SULT1B1: variants seen among roughly 807,000 people sequenced by gnomAD.
The protein encoded by SULT1B1 is sulfotransferase 1B1.
In SULT1B1, 28 loss-of-function variants were observed where a neutral mutation model predicts 34.6. The observed-to-expected ratio is 0.81, with a 90% CI of 0.60 to 1.11. SULT1B1 has a LOEUF of 1.11. SULT1B1 is among the 50% of genes least tolerant of loss of function. The probability of loss-of-function intolerance (pLI) is 0.00; values close to 1 mark genes in which losing one functional copy is unlikely to be tolerated. For missense variants in SULT1B1, 374 were observed against 352.2 expected (o/e 1.06, Z -0.50); for synonymous variants, 147 against 110.2 (o/e 1.33, Z -2.09).
chr4:69,745,193 G>A (rs1052279156), intron 4 of SULT1B1, among the ~76,000 whole-genome samples: 9 of 152,190 alleles, frequency 5.9e-5, no homozygotes, highest in African/African-American at 2.2e-4. Flanking sequence ...CTGCAGATGA[G>A]AAGAATGTAT....
intron 6 of SULT1B1, 52 bp downstream of exon 6, chr4:69,733,361 T>C: frequency 7.6e-7 from 1 of 1,318,584 alleles, no homozygotes; most frequent in Non-Finnish European, 1.1e-6. Flanking sequence ...TCAACCCTTT[T>C]ACAGCATGAT....
At chr4:69,743,112 T>G (rs1475406303) in intron 4 of SULT1B1, among the ~76,000 whole-genome samples, 2 of 152,082 alleles carry the variant, frequency 1.3e-5, no homozygotes, top group African/African-American at 4.8e-5. Context: ...ACACACAAGG[T>G]GGTGAGCAAG....
chr4:69,752,968 T>G lies in SULT1B1; in HGVS notation c.277+1702A>C, dbSNP rs912204487. Among the ~76,000 whole-genome samples the G allele has an allele frequency of 3.9e-5, 6 of 152,346 alleles. No individual in the cohort carries two copies. The East Asian group carries it at 7.7e-4, about 20-fold the overall frequency. On this transcript the variant is annotated intron_variant, in intron 3 of 7. Coordinates refer to ENST00000310613, the MANE Select transcript of SULT1B1 (RefSeq NM_014465.4). ...CCTTTGCTAGCTTCTCTTTCTCACC[T>G]AACTTCTGCATGTTGATGTTTTTCA...
chr4:69,759,372 C>A (rs572634347), intron 1 of SULT1B1, among the ~76,000 whole-genome samples: 108 of 152,204 alleles, frequency 7.1e-4, no homozygotes, highest in Non-Finnish European at 1.4e-3. Context: ...AGAGTATTTA[C>A]AAATTGGAAG....
intron 3 of SULT1B1, among the ~76,000 whole-genome samples, chr4:69,751,224 T>C (rs865927642): frequency 6.6e-6 from 1 of 152,094 alleles, no homozygotes. Flanking sequence ...CCACAACTCG[T>C]TATTACTTAA....
intron 4 of SULT1B1, among the ~76,000 whole-genome samples, chr4:69,743,701 G>A (rs774923923): frequency 6.6e-5 from 10 of 152,182 alleles, no homozygotes; most frequent in Non-Finnish European, 1.0e-4. Flanking sequence ...AGTCCAGAGG[G>A]GACCCAGGGG....
intron 4 of SULT1B1, among the ~76,000 whole-genome samples, chr4:69,741,499 G>A (rs897507881): frequency 6.6e-6 from 1 of 152,002 alleles, no homozygotes; most frequent in Non-Finnish European, 1.5e-5. Context: ...AACAATATTG[G>A]TTCTTCCTAT....
At position 69,725,100 on chromosome 4, in the gene SULT1B1, G is replaced by C. The variant is rs1717787217; in HGVS notation, c.*1988C>G. On this transcript the variant is annotated 3_prime_UTR_variant, in exon 8 of 8. Transcript: ENST00000310613. Reference sequence around the variant, plus strand: ...TGAACAGGCAACCTACAGAATGGGAGAAAATTTTTGCAATCTACTCATCTG... The same window carrying C: ...TGAACAGGCAACCTACAGAATGGGACAAAATTTTTGCAATCTACTCATCTG... 1 of 150,642 alleles carries C rather than the reference G, an allele frequency of 6.6e-6. No homozygotes were observed. Among genetic ancestry groups the C allele is most frequent in the Non-Finnish European group, 1.5e-5 (1 of 67,874 alleles). The allele number at this position is 150,642 out of a possible 1,614,324, so 9.3% of individuals were successfully genotyped here.
intron 4 of SULT1B1, among the ~76,000 whole-genome samples, chr4:69,736,446 C>T (rs764362837): frequency 6.6e-6 from 1 of 152,170 alleles, no homozygotes; most frequent in Non-Finnish European, 1.5e-5. Context: ...CTACTTTCCA[C>T]TTGAGCAGAG....
chr4:69,755,805 C>G (rs928741012), intron 1 of SULT1B1, among the ~76,000 whole-genome samples: 5 of 152,044 alleles, frequency 3.3e-5, no homozygotes, highest in African/African-American at 7.2e-5. Context: ...CTTTATTGAG[C>G]TTCTTGAAAT....
chr4:69,728,697 T>G (rs1271197353), intron 7 of SULT1B1, among the ~76,000 whole-genome samples: 1 of 151,974 alleles, frequency 6.6e-6, no homozygotes, highest in African/African-American at 2.4e-5. Flanking sequence ...CTATTTAGAC[T>G]AATAATGCTT....
intron 6 of SULT1B1, 40 bp from the exon 7 acceptor site, chr4:69,730,721 C>T (rs762051923): frequency 6.5e-7 from 1 of 1,540,818 alleles, no homozygotes; most frequent in African/African-American, 1.4e-5. Flanking sequence ...ACAAGTAACT[C>T]ACACAATGTG....
chr4:69,744,331 C>T (rs1718669373), intron 4 of SULT1B1, among the ~76,000 whole-genome samples: 1 of 152,162 alleles, frequency 6.6e-6, no homozygotes, highest in African/African-American at 2.4e-5. Flanking sequence ...CAAAGGAACC[C>T]GACACAGTGG....
intron 6 of SULT1B1, among the ~76,000 whole-genome samples, chr4:69,731,164 C>G (rs1300673642): frequency 2.0e-5 from 3 of 152,174 alleles, no homozygotes; most frequent in Non-Finnish European, 4.4e-5. Flanking sequence ...CTGTTAGGAA[C>G]TGGGCCACAC....
intron 1 of SULT1B1, among the ~76,000 whole-genome samples, chr4:69,755,469 G>A (rs1176380085): frequency 6.6e-6 from 1 of 152,132 alleles, no homozygotes; most frequent in African/African-American, 2.4e-5. Flanking sequence ...GTCTCTAGTG[G>A]AAGTTTTGGA....
At chr4:69,751,088 T>C (rs539254230) in intron 3 of SULT1B1, among the ~76,000 whole-genome samples, 1 of 152,264 alleles carries the variant, frequency 6.6e-6, no homozygotes, top group South Asian at 2.1e-4. Flanking sequence ...TGTATTTTAT[T>C]TGCCAATATA....
At position 69,734,118 on chromosome 4, in the gene SULT1B1, T is replaced by C. The variant is rs1718196239; in HGVS notation, c.502+20A>G. ...TTAAAATAAAAAATACTTATCAATT[T>C]TAAGATAAAGTCCACATACCTTTTC... On this transcript the variant is annotated intron_variant, in intron 5 of 7. Transcript: ENST00000310613. The C allele has an allele frequency of 6.4e-7, 1 of 1,550,844 alleles. No homozygotes were observed. The highest frequency in any genetic ancestry group is 1.4e-5 in the African/African-American group (1 of 72,056).
At position 69,755,051 on chromosome 4, in the gene SULT1B1, G is replaced by C; in HGVS notation, c.148+19C>G. The C allele has an allele frequency of 6.3e-7, 1 of 1,589,956 alleles. No homozygotes were observed. The highest frequency in any genetic ancestry group is 8.6e-7 in the Non-Finnish European group (1 of 1,162,104). On this transcript the variant is annotated intron_variant, in intron 2 of 7. Coordinates refer to ENST00000310613, the MANE Select transcript of SULT1B1 (RefSeq NM_014465.4). ...AAAAAATGAGGTCGGACTTGAATTT[G>C]TCAGGCCACAGAACTCACCTGATTT...
rs573524973 is a variant in SULT1B1 at position 69,755,770 on chromosome 4, G to T, written c.-44-509C>A. Among the ~76,000 whole-genome samples, 7 of 152,226 alleles carry T rather than the reference G, an allele frequency of 4.6e-5. No individual in the cohort carries two copies. The South Asian group carries it at 1.2e-3, about 27-fold the overall frequency. ...GGTGTGGTTATTTTCATGTGTGTGT[G>T]TGTGCACGCGCGTATACATTTTAGC... On this transcript the variant is annotated intron_variant, in intron 1 of 7. Transcript: ENST00000310613.
Sources: gnomAD v4.1 joint callset for allele counts (sites outside exome capture counted in the v4.1 genomes callset) on GRCh38, gnomAD v4.1.1 for gene constraint, MANE v1.5 for transcripts, NCBI Gene and HGNC (gene_info 2026-07-23, HGNC 2026-07-21) for gene names.